The following SH3KBP1 variants were observed in gnomAD, a reference collection of about 807,000 sequenced individuals.
SH3KBP1 encodes the protein SH3 domain-containing kinase-binding protein 1.
Under a neutral mutation model 50.1 loss-of-function variants are expected in SH3KBP1, and 8 were observed. The observed-to-expected ratio is 0.16, with a 90% CI of 0.09 to 0.29. The LOEUF (loss-of-function observed/expected upper bound fraction) is 0.29. SH3KBP1 is among the 10% of genes least tolerant of loss of function. SH3KBP1 has a pLI of 1.00. For synonymous variants in SH3KBP1, 227 were observed against 218.6 expected, an observed-to-expected ratio of 1.04 and a Z score of -0.34; for missense variants, 377 against 535.2, an observed-to-expected ratio of 0.70 and a Z score of 2.92.
chrX:19,849,656 ACTG>A (rs2068452980), intron 1 of SH3KBP1, among the ~76,000 whole-genome samples: 1 of 97,949 alleles, frequency 1.0e-5, no homozygotes, highest in African/African-American at 4.1e-5. Flanking sequence ...TGAGACTGCC[ACTG>A]CACTCCAGCC....
At chrX:19,787,834 C>T (rs186159635) in intron 2 of SH3KBP1, among the ~76,000 whole-genome samples, 2 of 111,764 alleles carry the variant, frequency 1.8e-5, no homozygotes, top group Non-Finnish European at 3.8e-5. Context: ...GTGACTTCTT[C>T]GCTGAAATCT....
chrX:19,693,173 CTT>C (rs1361334404), intron 5 of SH3KBP1, among the ~76,000 whole-genome samples: 1 of 112,027 alleles, frequency 8.9e-6, no homozygotes, highest in African/African-American at 3.2e-5. Flanking sequence ...CACCTGGACA[CTT>C]TGCTGAACTC....
At chrX:19,656,679 CT>C (rs950587830) in intron 6 of SH3KBP1, among the ~76,000 whole-genome samples, 2 of 111,767 alleles carry the variant, frequency 1.8e-5, no homozygotes, top group Non-Finnish European at 3.8e-5. Context: ...AGAATATACC[CT>C]AATGGGAAGC....
intron 1 of SH3KBP1, among the ~76,000 whole-genome samples, chrX:19,863,803 A>T: frequency 8.9e-6 from 1 of 112,207 alleles, no homozygotes. Context: ...AAAAGTAAGC[A>T]AATAAATTTG....
At chrX:19,691,836 G>T (rs2063299624) in intron 5 of SH3KBP1, among the ~76,000 whole-genome samples, 2 of 111,315 alleles carry the variant, frequency 1.8e-5, no homozygotes, top group African/African-American at 6.5e-5. Flanking sequence ...TTTTACTGAT[G>T]CATGTTAAAA....
chrX:19,588,571 C>A (rs1434243468), intron 12 of SH3KBP1, 72 bp downstream of exon 12: 1 of 1,210,419 alleles, frequency 8.3e-7, no homozygotes, highest in East Asian at 3.0e-5. Flanking sequence ...AGGTCTGTGG[C>A]AGTCAGTTCC....
intron 1 of SH3KBP1, among the ~76,000 whole-genome samples, chrX:19,863,451 C>T (rs1348794199): frequency 8.9e-6 from 1 of 112,405 alleles, no homozygotes; most frequent in Non-Finnish European, 1.9e-5. Flanking sequence ...CTGTAACATA[C>T]CTCCCAGTCA....
chrX:19,872,252 C>CAAAAAAAAAAAAAAAAAAAAA (rs67033348), intron 1 of SH3KBP1, among the ~76,000 whole-genome samples: 1 of 37,965 alleles, frequency 2.6e-5, no homozygotes, highest in Non-Finnish European at 4.6e-5. Context: ...AACTTCATCT[C>CAAAAAAAAAAAAAAAAAAAAA]AAAAAAAAAA....
chrX:19,844,655 C>G (rs1353299267), intron 1 of SH3KBP1, among the ~76,000 whole-genome samples: 3 of 111,858 alleles, frequency 2.7e-5, no homozygotes, highest in Non-Finnish European at 3.8e-5. Context: ...AGTCCCCTAC[C>G]ACTTGCCTTC....
intron 8 of SH3KBP1, among the ~76,000 whole-genome samples, chrX:19,609,892 A>G (rs1328795483): frequency 8.9e-6 from 1 of 112,201 alleles, no homozygotes; most frequent in African/African-American, 3.2e-5. Flanking sequence ...GTAGAACAGG[A>G]TGGCCTCTAT....
chrX:19,705,506 A>G (rs568954567), intron 4 of SH3KBP1, among the ~76,000 whole-genome samples: 3 of 111,452 alleles, frequency 2.7e-5, no homozygotes, highest in Non-Finnish European at 5.7e-5. Context: ...TCAACTTTCA[A>G]TAAATGTCTC....
chrX:19,657,693 A>T (rs2062323539), intron 6 of SH3KBP1, among the ~76,000 whole-genome samples: 1 of 109,595 alleles, frequency 9.1e-6, no homozygotes, highest in Admixed American at 9.8e-5. Context: ...ACACCACTGC[A>T]CTCCAGCCTG....
chrX:19,824,783 T>A (rs945443715), intron 2 of SH3KBP1, among the ~76,000 whole-genome samples: 1 of 111,731 alleles, frequency 9.0e-6, no homozygotes, highest in African/African-American at 3.3e-5. Context: ...CAGCTCTCCC[T>A]GAGTCACAAG....
chrX:19,669,821 A>T (rs1443390022), intron 6 of SH3KBP1, among the ~76,000 whole-genome samples: 12 of 111,447 alleles, frequency 1.1e-4, no homozygotes, highest in Non-Finnish European at 2.3e-4. Context: ...GCCATTTAAA[A>T]ACCTTTCAAG....
chrX:19,831,187 C>T (rs1327676127), intron 2 of SH3KBP1, among the ~76,000 whole-genome samples: 4 of 111,611 alleles, frequency 3.6e-5, no homozygotes, highest in East Asian at 2.8e-4. Context: ...GAGGCCGAGG[C>T]GGGAGGATCA....
intron 4 of SH3KBP1, among the ~76,000 whole-genome samples, chrX:19,704,171 C>CT (rs755503570): frequency 4.8e-4 from 54 of 111,795 alleles, no homozygotes; most frequent in African/African-American, 1.5e-3. Flanking sequence ...TTATTTTTTC[C>CT]TTTTTCCTAT....
At chrX:19,773,597 C>T (rs2065860003) in intron 2 of SH3KBP1, among the ~76,000 whole-genome samples, 1 of 109,812 alleles carries the variant, frequency 9.1e-6, no homozygotes, top group Non-Finnish European at 1.9e-5. Flanking sequence ...CGGCTCACGC[C>T]TGTCATCCCA....
At chrX:19,615,050 A>G (rs1454481604) in intron 8 of SH3KBP1, among the ~76,000 whole-genome samples, 1 of 112,261 alleles carries the variant, frequency 8.9e-6, no homozygotes, top group Non-Finnish European at 1.9e-5. Flanking sequence ...TAGAATTCCT[A>G]CACAAAGGAA....
At chrX:19,872,694 T>C (rs756149343) in intron 1 of SH3KBP1, among the ~76,000 whole-genome samples, 130 of 109,600 alleles carry the variant, frequency 1.2e-3, no homozygotes, top group African/African-American at 4.0e-3. Context: ...GAGAATGGCG[T>C]GAACCCGGGA....
Sources: allele counts gnomAD v4.1 joint callset (sites outside exome capture counted in the v4.1 genomes callset), GRCh38; gene constraint gnomAD v4.1.1; transcripts MANE v1.5; gene names NCBI Gene and HGNC (gene_info 2026-07-23, HGNC 2026-07-21).